ABCC3: variants seen among roughly 807,000 people sequenced by gnomAD.
ABCC3 encodes ATP-binding cassette sub-family C member 3.
A neutral mutation model predicts 165.3 loss-of-function variants in ABCC3; 121 were observed. That is an observed-to-expected ratio of 0.73 (90% CI 0.63 to 0.85). The LOEUF is 0.85. Among genes scored for constraint, ABCC3 ranks in the 40% least tolerant of loss-of-function variants. The pLI is 0.00. For synonymous variants in ABCC3, 733 were observed against 810.1 expected (o/e 0.90, Z 1.62); for missense variants, 1,869 against 1,964.1 (o/e 0.95, Z 0.92).
chr17:50,673,591 CT>C lies in ABCC3; in HGVS notation c.2535del (p.Phe845LeufsTer34). ...YPALLQRNGSFANFLCNYAPD... is the reference protein window; with the variant it reads ...YPALLQRNGSXANFLCNYAPD... ...CAGCCCTGCTGCAGCGCAACGGCTC[CT>C]TTGCCAACTTTCTCTGCAACTATGC... On this transcript the variant is annotated frameshift_variant, in exon 19 of 31. Coordinates refer to ENST00000285238, the MANE Select transcript of ABCC3 (RefSeq NM_003786.4). LOFTEE classifies it high-confidence loss of function. 1.2e-6 allele frequency: 2 copies of C among 1,614,218 alleles called. No homozygotes were observed. The highest frequency in any genetic ancestry group is 1.7e-6 in the Non-Finnish European group (2 of 1,180,032).
intron 23 of ABCC3, among the ~76,000 whole-genome samples, chr17:50,676,978 A>C (rs957418283): frequency 1.3e-5 from 2 of 151,636 alleles, no homozygotes; most frequent in African/African-American, 4.9e-5. Context: ...TCCGCCTCCC[A>C]GGTTCAAGCA....
At chr17:50,641,462 C>T (rs577439207) in intron 1 of ABCC3, among the ~76,000 whole-genome samples, 8 of 152,310 alleles carry the variant, frequency 5.3e-5, no homozygotes, top group Admixed American at 3.9e-4. Context: ...CTTCATTTTA[C>T]ACATAACTGA....
chr17:50,651,982 C>T (rs907333119), intron 1 of ABCC3, among the ~76,000 whole-genome samples: 3 of 152,120 alleles, frequency 2.0e-5, no homozygotes, highest in Admixed American at 6.6e-5. Flanking sequence ...ACTATGAAAA[C>T]ATGTCTGTTT....
At chr17:50,660,536 C>T (rs548916953) in intron 7 of ABCC3, among the ~76,000 whole-genome samples, 1 of 152,176 alleles carries the variant, frequency 6.6e-6, no homozygotes, top group Non-Finnish European at 1.5e-5. Context: ...CTGCTGCACC[C>T]CCTCTCAGTC....
At position 50,663,727 on chromosome 17, in the gene ABCC3, G is replaced by A; in HGVS notation, c.1045G>A (p.Gly349Ser). Residue 349 changes from glycine to serine, a missense_variant, in exon 9 of 31, where the codon GGC becomes AGC. By Grantham distance (56) the Gly-to-Ser change is moderately conservative. Coordinates refer to ENST00000285238, the MANE Select transcript of ABCC3 (RefSeq NM_003786.4). ...ISNPMAPSWW[G>S]FLVAGLMFLC... ...CAACCCCATGGCCCCCTCCTGGTGG[G>A]GCTTCCTGGTGGCTGGGCTGATGTT... 4 of 1,614,182 alleles carry A rather than the reference G, an allele frequency of 2.5e-6. No homozygotes were observed. Among genetic ancestry groups the A allele is most frequent in the Non-Finnish European group, 3.4e-6 (4 of 1,180,036 alleles).
In ABCC3 at chr17:50,647,487, G is replaced by T. The variant is rs144758707; in HGVS notation, c.46-8345G>T. On this transcript the variant is annotated intron_variant, in intron 1 of 30. Transcript: ENST00000285238. Reference sequence around the variant, plus strand: ...AAGTAGGCGCTGAGGCTCAGGAGGTGATTTGAGCTGTTGATCTGGATTTGG... The same window carrying T: ...AAGTAGGCGCTGAGGCTCAGGAGGTTATTTGAGCTGTTGATCTGGATTTGG... Among the ~76,000 whole-genome samples the T allele has an allele frequency of 2.6e-3, 402 of 152,314 alleles. 1 individual carries two copies. The highest frequency in any genetic ancestry group is 6.8e-3 in the Middle Eastern group (2 of 294).
At position 50,658,505 on chromosome 17, in the gene ABCC3, G is replaced by T. The variant is rs778240523; in HGVS notation, c.674+9G>T. The T allele has an allele frequency of 1.9e-5, 31 of 1,612,426 alleles. No individual in the cohort carries two copies. In the South Asian group the frequency reaches 3.3e-4, roughly 17 times the overall value. ...TTCTGGTGGTTCACAAAGTGAGTTG[G>T]CTCTTCCACCAGCCAGGCCAGAGGG... On this transcript the variant is annotated intron_variant, in intron 6 of 30. Transcript: ENST00000285238.
intron 1 of ABCC3, among the ~76,000 whole-genome samples, chr17:50,655,167 G>A (rs1459818178): frequency 1.3e-5 from 2 of 148,496 alleles, no homozygotes; most frequent in African/African-American, 2.5e-5. Flanking sequence ...CAGCACTTTC[G>A]GAGGCCGATG....
rs376091724 is a variant in ABCC3 at position 50,674,050 on chromosome 17, T to C, written c.2599+392T>C. ...TCTCTCTCTCTCTTTCTTTCTTTCT[T>C]TCTTTCTTTCTTTCTTTCTTTCTTT... is the stretch of plus-strand genomic sequence containing the variant. On this transcript the variant is annotated intron_variant, in intron 19 of 30. Transcript: ENST00000285238. Among the ~76,000 whole-genome samples the C allele has an allele frequency of 6.0e-4, 29 of 48,270 alleles. 4 individuals are homozygous for C. The highest frequency in any genetic ancestry group is 1.0e-3 in the African/African-American group (11 of 10,618). 31.7% of individuals were successfully genotyped at this position (48,270 alleles called of 152,430 possible).
At chr17:50,662,496 G>A (rs1489783759) in intron 8 of ABCC3, among the ~76,000 whole-genome samples, 3 of 152,066 alleles carry the variant, frequency 2.0e-5, no homozygotes, top group African/African-American at 7.2e-5. Context: ...ATATTAGCCA[G>A]GCCTGGTGGC....
intron 30 of ABCC3, among the ~76,000 whole-genome samples, chr17:50,689,173 A>C (rs1968074830): frequency 6.6e-6 from 1 of 152,202 alleles, no homozygotes; most frequent in Admixed American, 6.5e-5. Flanking sequence ...GTGCAGAGCG[A>C]GACTCTGCCT....
At chr17:50,673,970 TTCTTTCTTTCTCTCTCTCTCTC>T (rs1967721428) in intron 19 of ABCC3, among the ~76,000 whole-genome samples, 1 of 14,696 alleles carries the variant, frequency 6.8e-5, no homozygotes, top group African/African-American at 3.1e-4. Context: ...CTTTCTTTCT[TTCTTTCTTTCTCTCTCTCTCTC>T]TCTCTCTCTC....
At chr17:50,683,294 A>G (rs1967957597) in intron 26 of ABCC3, among the ~76,000 whole-genome samples, 1 of 151,228 alleles carries the variant, frequency 6.6e-6, no homozygotes, top group Admixed American at 6.6e-5. Flanking sequence ...GAATCGCTGG[A>G]ACCCAGGAGT....
At chr17:50,681,086 A>G (rs1302875780) in intron 26 of ABCC3, among the ~76,000 whole-genome samples, 2 of 151,986 alleles carry the variant, frequency 1.3e-5, no homozygotes, top group Admixed American at 6.6e-5. Context: ...AAAAAAAAAA[A>G]AGCTTGCAGG....
chr17:50,685,027 G>C (rs1967999057), intron 29 of ABCC3, 152 bp downstream of exon 29: 1 of 900,166 alleles, frequency 1.1e-6, no homozygotes, highest in African/African-American at 1.7e-5. Context: ...CCGTGTGCCA[G>C]GCATGGTGTA....
chr17:50,680,145 G>C (rs1967903063), intron 26 of ABCC3, among the ~76,000 whole-genome samples: 2 of 152,220 alleles, frequency 1.3e-5, no homozygotes, highest in Non-Finnish European at 2.9e-5. Flanking sequence ...ACCTATTGCA[G>C]GGCTTTGCAG....
intron 23 of ABCC3, 63 bp downstream of exon 23, chr17:50,676,651 G>A (rs112491979): frequency 4.4e-5 from 57 of 1,302,448 alleles, no homozygotes; most frequent in Non-Finnish European, 5.2e-5. Flanking sequence ...ACACATGGGC[G>A]GGGGCAGCAG....
intron 1 of ABCC3, among the ~76,000 whole-genome samples, chr17:50,653,357 A>G (rs902695734): frequency 4.6e-5 from 7 of 151,438 alleles, no homozygotes; most frequent in Non-Finnish European, 1.0e-4. Context: ...AAAAAAAAAA[A>G]AAAAAAGAAA....
At chr17:50,663,407 G>T (rs1277830026) in intron 8 of ABCC3, 2 of 471,908 alleles carry the variant, frequency 4.2e-6, no homozygotes, top group Non-Finnish European at 3.8e-6. Context: ...AGGTAAGAAG[G>T]CAGGCAGGTG....
Sources: gnomAD v4.1 joint callset for allele counts (sites outside exome capture counted in the v4.1 genomes callset) on GRCh38, gnomAD v4.1.1 for gene constraint, MANE v1.5 for transcripts, NCBI Gene and HGNC (gene_info 2026-07-23, HGNC 2026-07-21) for gene names.